CCDC171: variants seen among roughly 807,000 people sequenced by gnomAD.
CCDC171 encodes coiled-coil domain-containing protein 171.
In CCDC171, 177 loss-of-function variants were observed where a neutral mutation model predicts 168.2. That is an observed-to-expected ratio of 1.05 (90% confidence interval 0.93 to 1.19). The LOEUF is 1.19. Ranked by LOEUF, CCDC171 falls within the 50% of genes most tolerant of loss-of-function variation. The pLI is 0.00. For missense variants in CCDC171, 1,991 were observed against 1,539.0 expected, an observed-to-expected ratio of 1.29 and a Z score of -4.91; for synonymous variants, 687 against 540.8, an observed-to-expected ratio of 1.27 and a Z score of -3.75.
At chr9:15,654,476 C>T (rs1357650754) in intron 7 of CCDC171, among the ~76,000 whole-genome samples, 8 of 152,248 alleles carry the variant, frequency 5.3e-5, no homozygotes, top group Non-Finnish European at 1.2e-4. Flanking sequence ...GAATGATTTG[C>T]CCAGAAAGAA....
At chr9:15,639,072 T>G (rs2046406153) in intron 7 of CCDC171, among the ~76,000 whole-genome samples, 1 of 152,022 alleles carries the variant, frequency 6.6e-6, no homozygotes, top group Non-Finnish European at 1.5e-5. Flanking sequence ...TAAAAAAGGG[T>G]AAAAGGTAGC....
At chr9:15,767,112 C>T (rs2056765061) in intron 18 of CCDC171, among the ~76,000 whole-genome samples, 1 of 152,154 alleles carries the variant, frequency 6.6e-6, no homozygotes. Context: ...TGAGGGCATA[C>T]ATATCAGGTT....
chr9:15,777,996 A>T (rs924216045), intron 19 of CCDC171, among the ~76,000 whole-genome samples, 170 bp downstream of exon 19: 1 of 152,208 alleles, frequency 6.6e-6, no homozygotes, highest in Non-Finnish European at 1.5e-5. Context: ...TGTCCAAAAT[A>T]TCTAAATACA....
chr9:16,025,536 G>A (rs548831601), intron 6 of CCDC171, among the ~76,000 whole-genome samples: 1 of 152,170 alleles, frequency 6.6e-6, no homozygotes, highest in South Asian at 2.1e-4. Context: ...AAAGGAAAAA[G>A]CAACTCAAGT....
chr9:15,749,568 C>G (rs184870505), intron 18 of CCDC171, among the ~76,000 whole-genome samples: 29 of 152,120 alleles, frequency 1.9e-4, no homozygotes, highest in African/African-American at 6.7e-4. Flanking sequence ...CCACATAATT[C>G]GAAGTAAAAC....
At chr9:15,946,847 A>C (rs1426638315) in intron 25 of CCDC171, among the ~76,000 whole-genome samples, 1 of 151,972 alleles carries the variant, frequency 6.6e-6, no homozygotes, top group Non-Finnish European at 1.5e-5. Flanking sequence ...GCCTAAGTAA[A>C]TGTTGTTTAG....
intron 7 of CCDC171, among the ~76,000 whole-genome samples, chr9:15,624,252 A>C (rs1465917576): frequency 6.6e-6 from 1 of 152,158 alleles, no homozygotes; most frequent in African/African-American, 2.4e-5. Context: ...AATTATTGAC[A>C]CTAGTAAAAA....
At chr9:15,766,289 A>G (rs2056718217) in intron 18 of CCDC171, among the ~76,000 whole-genome samples, 1 of 152,126 alleles carries the variant, frequency 6.6e-6, no homozygotes, top group East Asian at 1.9e-4. Flanking sequence ...TTTTTTGCCA[A>G]CATTCATGAA....
chr9:15,822,845 A>G (rs1452747958), intron 21 of CCDC171, among the ~76,000 whole-genome samples: 1 of 152,170 alleles, frequency 6.6e-6, no homozygotes, highest in Non-Finnish European at 1.5e-5. Context: ...GTATATACCC[A>G]AAGGATTATA....
At chr9:16,025,275 C>G (rs991945011) in intron 6 of CCDC171, among the ~76,000 whole-genome samples, 1 of 152,128 alleles carries the variant, frequency 6.6e-6, no homozygotes, top group African/African-American at 2.4e-5. Context: ...AATGCTGTCT[C>G]TACTAAAAAT....
At chr9:15,781,830 C>T (rs950075364) in intron 20 of CCDC171, among the ~76,000 whole-genome samples, 2 of 152,134 alleles carry the variant, frequency 1.3e-5, no homozygotes, top group Non-Finnish European at 2.9e-5. Context: ...ACGTTACAGA[C>T]GTTGACTCAT....
intron 24 of CCDC171, among the ~76,000 whole-genome samples, chr9:15,908,253 C>T (rs1359749501): frequency 6.6e-6 from 1 of 152,156 alleles, no homozygotes; most frequent in Non-Finnish European, 1.5e-5. Context: ...TTGGAACTAA[C>T]CCAAATGTCC....
rs565902962 is a variant in CCDC171 at position 15,597,929 on chromosome 9, G to T, written c.675+3757G>T. On this transcript the variant is annotated intron_variant, in intron 6 of 25. Transcript: ENST00000380701. The stretch of plus-strand genomic sequence containing the variant: ...TTCTTCTAGATTTTCTAGTTTATTT[G>T]CATAGAGGTGTTTATAGTATTCTCT... 1.6e-3 allele frequency among the ~76,000 whole-genome samples: 239 copies of T among 152,240 alleles called. 1 individual carries two copies. Among genetic ancestry groups the T allele is most frequent in the African/African-American group, 5.0e-3 (209 of 41,544 alleles).
chr9:15,923,469 G>T (rs754011791), intron 25 of CCDC171, among the ~76,000 whole-genome samples: 4 of 151,352 alleles, frequency 2.6e-5, no homozygotes, highest in Non-Finnish European at 5.9e-5. Context: ...GTAGAGAACA[G>T]ATTGGTGGTT....
chr9:15,610,432 C>T (rs964199364), intron 6 of CCDC171, among the ~76,000 whole-genome samples: 2 of 88,892 alleles, frequency 2.2e-5, no homozygotes. Context: ...CATGGTGAAA[C>T]CCCATCTCAA....
At chr9:16,091,330 T>A in the CCDC171 span, among the ~76,000 whole-genome samples, 1 of 152,232 alleles carries the variant, frequency 6.6e-6, no homozygotes. Context: ...ATGAGATAAT[T>A]AGAATTCTTC....
At chr9:15,986,237 A>G (rs1385142913) in intron 3 of CCDC171, among the ~76,000 whole-genome samples, 1 of 152,228 alleles carries the variant, frequency 6.6e-6, no homozygotes, top group African/African-American at 2.4e-5. Context: ...GAATTGACCA[A>G]TATGTATTAC....
chr9:15,625,265 T>C (rs7389629), intron 7 of CCDC171, among the ~76,000 whole-genome samples: 55,240 of 152,150 alleles, frequency 0.36, 12,509 homozygotes, highest in East Asian at 0.66. Flanking sequence ...ATTCTATAGA[T>C]TGCGTGTTCA....
At chr9:15,642,339 GTGTGTATATATATATATATATATATATA>G (rs1187680808) in intron 7 of CCDC171, among the ~76,000 whole-genome samples, 10 of 83,700 alleles carry the variant, frequency 1.2e-4, no homozygotes, top group African/African-American at 6.0e-4. Context: ...ACACGTGTGT[GTGTGTATATATATATATATATATATATA>G]TATATATATA....
Sources: allele counts gnomAD v4.1 joint callset (sites outside exome capture counted in the v4.1 genomes callset), GRCh38; gene constraint gnomAD v4.1.1; transcripts MANE v1.5; gene names NCBI Gene and HGNC (gene_info 2026-07-23, HGNC 2026-07-21).